RFTN1: variants seen among roughly 807,000 people sequenced by gnomAD.
RFTN1 encodes raftlin.
RFTN1 carries 26 observed loss-of-function variants against 46.5 expected under a neutral mutation model. The observed-to-expected ratio is 0.56, with a 90% confidence interval of 0.41 to 0.78. The LOEUF is 0.78. RFTN1 is among the 30% of genes least tolerant of loss of function. RFTN1 has a pLI of 0.00. For synonymous variants in RFTN1, 261 were observed against 284.2 expected (o/e 0.92, Z 0.82); for missense variants, 693 against 718.7 (o/e 0.96, Z 0.41).
chr3:16,474,857 C>T lies in RFTN1; in HGVS notation c.145+18868G>A. On this transcript the variant is annotated intron_variant, in intron 2 of 9. Transcript: ENST00000334133. This position sits in a 1 kb window ranked among gnomAD's most constrained non-coding sequence, Gnocchi z 5.5. ...TTCTATTTCTTCCCCAGCCAGAATA[C>T]ACAGGACTAGCCATCAAGGGGTAGA... Among the ~76,000 whole-genome samples, 1 of 152,230 alleles carries T rather than the reference C, an allele frequency of 6.6e-6. No individual in the cohort carries two copies. The highest frequency in any genetic ancestry group is 1.5e-5 in the Non-Finnish European group (1 of 68,042).
rs1337654180 is a variant in RFTN1, at chr3:16,421,024, C to A, written c.333-11541G>T. Among the ~76,000 whole-genome samples, 1 of 152,142 alleles carries A rather than the reference C, an allele frequency of 6.6e-6. No individual in the cohort carries two copies. Among genetic ancestry groups the A allele is most frequent in the Non-Finnish European group, 1.5e-5 (1 of 68,032 alleles). ...AGTGTGTCTCAAATGCTGAGTGGAT[C>A]AATTGTCTCCAAATTTTTCTGATCA... is the stretch of plus-strand genomic sequence containing the variant. On this transcript the variant is annotated intron_variant, in intron 3 of 9. Coordinates refer to ENST00000334133, the MANE Select transcript of RFTN1 (RefSeq NM_015150.2). The surrounding 1 kb of genome is among the most constrained non-coding windows in gnomAD (Gnocchi z 4.6).
chr3:16,316,312 T>G lies in RFTN1; in HGVS notation c.*516A>C, dbSNP rs1362651771. 1 of 161,698 alleles carries G rather than the reference T, an allele frequency of 6.2e-6. No individual in the cohort carries two copies. Among genetic ancestry groups the G allele is most frequent in the Non-Finnish European group, 1.3e-5 (1 of 75,074 alleles). The allele number at this position is 161,698 out of a possible 1,614,324, so 10.0% of individuals were successfully genotyped here. On this transcript the variant is annotated 3_prime_UTR_variant, in exon 10 of 10. Coordinates refer to ENST00000334133, the MANE Select transcript of RFTN1 (RefSeq NM_015150.2). This position sits in a 1 kb window ranked among gnomAD's most constrained non-coding sequence, Gnocchi z 4.5. ...ACCTCCCCTCCCCAATGTCATTTTC[T>G]TTGTCAAAGCAGAAGAGTCGAAGGG...
rs1303131151 is a variant in RFTN1 at position 16,425,220 on chromosome 3, G to C, written c.332+8631C>G. ...CAATGCTACCAAATAAATCTTCCTA[G>C]AGAGTCAATTTTTACTTAAAGATTG... On this transcript the variant is annotated intron_variant, in intron 3 of 9. Coordinates refer to ENST00000334133, the MANE Select transcript of RFTN1 (RefSeq NM_015150.2). This position sits in a 1 kb window ranked among gnomAD's most constrained non-coding sequence, Gnocchi z 4.3. 6.6e-6 allele frequency among the ~76,000 whole-genome samples: 1 copy of C among 152,164 alleles called. No individual in the cohort carries two copies. The highest frequency in any genetic ancestry group is 2.4e-5 in the African/African-American group (1 of 41,424).
chr3:16,368,532 G>A (rs1469949859), intron 6 of RFTN1, among the ~76,000 whole-genome samples: 9 of 152,114 alleles, frequency 5.9e-5, no homozygotes, highest in Non-Finnish European at 8.8e-5. Context: ...ATTAGCCTGC[G>A]TGGTGGCGGG....
chr3:16,488,188 T>C (rs1316392022), intron 2 of RFTN1, among the ~76,000 whole-genome samples: 1 of 150,830 alleles, frequency 6.6e-6, no homozygotes, highest in Non-Finnish European at 1.5e-5. Flanking sequence ...CCGCAACCTC[T>C]ACCTCCCAGG....
At position 16,317,054 on chromosome 3, in the gene RFTN1, A is replaced by G. The variant is rs995978909; in HGVS notation, c.1511T>C (p.Val504Ala). ...CVSGQQQEGG[V>A]SEEMKGPVQE... ...GACAGGGCCCTTCATCTCCTCGGAG[A>G]CTCCACCCTCCTGCTGCTGTCCTGA... The change falls in exon 10 of 10, where the codon GTC becomes GCC. Residue 504 changes from valine (V) to alanine (A), a missense_variant. Val to Ala is a moderately conservative substitution (Grantham distance 64, BLOSUM62 0). Transcript: ENST00000334133. This position sits in a 1 kb window ranked among gnomAD's most constrained non-coding sequence, Gnocchi z 4.3. The G allele has an allele frequency of 6.2e-7, 1 of 1,610,946 alleles. No homozygotes were observed. Among genetic ancestry groups the G allele is most frequent in the Non-Finnish European group, 8.5e-7 (1 of 1,179,258 alleles).
Position 16,329,162 on chromosome 3 carries a change from T to C in RFTN1, c.1147-2286A>G, listed in dbSNP as rs1397974607. Among the ~76,000 whole-genome samples the C allele has an allele frequency of 6.6e-6, 1 of 152,188 alleles. No individual in the cohort carries two copies. Among genetic ancestry groups the C allele is most frequent in the African/African-American group, 2.4e-5 (1 of 41,464 alleles). Reference sequence around the variant, plus strand: ...TTCAGTCTCCTGCTCTCTCCCCTCTTTTCTGCGCTTCCGCCTCGGGATGAC... The same window carrying C: ...TTCAGTCTCCTGCTCTCTCCCCTCTCTTCTGCGCTTCCGCCTCGGGATGAC... On this transcript the variant is annotated intron_variant, in intron 7 of 9. Coordinates refer to ENST00000334133, the MANE Select transcript of RFTN1 (RefSeq NM_015150.2). The surrounding 1 kb of genome is among the most constrained non-coding windows in gnomAD (Gnocchi z 4.5).
In RFTN1 at chr3:16,421,425, C is replaced by T. The variant is rs1334353912; in HGVS notation, c.333-11942G>A. On this transcript the variant is annotated intron_variant, in intron 3 of 9. Transcript: ENST00000334133. This position sits in a 1 kb window ranked among gnomAD's most constrained non-coding sequence, Gnocchi z 4.6. ...GGGGTGCAGTGGCATAATCTCAGCT[C>T]ACTGCAATCTCCACCTCCCGGGTTC... 6.6e-6 allele frequency among the ~76,000 whole-genome samples: 1 copy of T among 151,746 alleles called. No homozygotes were observed. The highest frequency in any genetic ancestry group is 1.9e-4 in the East Asian group (1 of 5,174).
intron 5 of RFTN1, 99 bp downstream of exon 5, chr3:16,377,619 T>C: frequency 6.7e-7 from 1 of 1,501,650 alleles, no homozygotes; most frequent in East Asian, 2.3e-5. Flanking sequence ...CTCTACACTC[T>C]AAATTCCATT....
chr3:16,434,579 A>T (rs1575285998), intron 2 of RFTN1: 1 of 152,594 alleles, frequency 6.6e-6, no homozygotes, highest in Admixed American at 6.5e-5. Context: ...ATAAAATAAT[A>T]ATGGACTGTC....
At position 16,334,819 on chromosome 3, in the gene RFTN1, G is replaced by A. The variant is rs561020220; in HGVS notation, c.1147-7943C>T. Among the ~76,000 whole-genome samples, 6 of 152,330 alleles carry A rather than the reference G, an allele frequency of 3.9e-5. No homozygotes were observed. The East Asian group carries it at 1.2e-3, about 29-fold the overall frequency. ...GATATGATTAAGCTAAGGATCTTGA[G>A]ATGGAGAGTTTATCCAGGATTATCC... On this transcript the variant is annotated intron_variant, in intron 7 of 9. Coordinates refer to ENST00000334133, the MANE Select transcript of RFTN1 (RefSeq NM_015150.2). The surrounding 1 kb of genome is among the most constrained non-coding windows in gnomAD (Gnocchi z 4.3).
chr3:16,505,355 T>G (rs955179550), intron 1 of RFTN1, among the ~76,000 whole-genome samples: 1 of 152,200 alleles, frequency 6.6e-6, no homozygotes, highest in Non-Finnish European at 1.5e-5. Flanking sequence ...TTTCCTCCAG[T>G]GGACCTCCAC....
At chr3:16,331,759 C>T (rs1449551214) in intron 7 of RFTN1, among the ~76,000 whole-genome samples, 2 of 152,144 alleles carry the variant, frequency 1.3e-5, no homozygotes, top group African/African-American at 4.8e-5. Context: ...CTGGTATGTT[C>T]TCTTTTTTTG....
At position 16,465,896 on chromosome 3, in the gene RFTN1, A is replaced by T. The variant is rs1362743018; in HGVS notation, c.145+27829T>A. Among the ~76,000 whole-genome samples, 1 of 151,852 alleles carries T rather than the reference A, an allele frequency of 6.6e-6. No homozygotes were observed. The highest frequency in any genetic ancestry group is 1.5e-5 in the Non-Finnish European group (1 of 67,964). On this transcript the variant is annotated intron_variant, in intron 2 of 9. Coordinates refer to ENST00000334133, the MANE Select transcript of RFTN1 (RefSeq NM_015150.2). The surrounding 1 kb of genome is among the most constrained non-coding windows in gnomAD (Gnocchi z 5.1). ...TCATGCCCTTAAAAAAGAAACACAAACTCCTCTAAAAGTTGAGAAACAAAA... is the reference window on the plus strand; with the variant it reads ...TCATGCCCTTAAAAAAGAAACACAATCTCCTCTAAAAGTTGAGAAACAAAA...
rs1434544850 is a variant in RFTN1 at position 16,480,906 on chromosome 3, T to C, written c.145+12819A>G. 6.6e-6 allele frequency among the ~76,000 whole-genome samples: 1 copy of C among 152,092 alleles called. No homozygotes were observed. ...GTTTTGCTTTGACAGATAACAGTCA[T>C]CAGCAAGGAATTTCATTTTACTGAA... is the stretch of plus-strand genomic sequence containing the variant. On this transcript the variant is annotated intron_variant, in intron 2 of 9. Coordinates refer to ENST00000334133, the MANE Select transcript of RFTN1 (RefSeq NM_015150.2). This position sits in a 1 kb window ranked among gnomAD's most constrained non-coding sequence, Gnocchi z 4.3.
At chr3:16,492,211 G>A (rs1689339144) in intron 2 of RFTN1, among the ~76,000 whole-genome samples, 1 of 152,102 alleles carries the variant, frequency 6.6e-6, no homozygotes, top group Admixed American at 6.5e-5. Context: ...CTTGTTGAGG[G>A]GGATGCACAG....
intron 2 of RFTN1, among the ~76,000 whole-genome samples, chr3:16,456,271 C>T (rs1559356409): frequency 2.0e-5 from 3 of 152,104 alleles, no homozygotes; most frequent in Non-Finnish European, 4.4e-5. Flanking sequence ...ATTACAGTAA[C>T]CAGGGCTGTT....
rs559188796 is a variant in RFTN1, at chr3:16,336,507, G to A, written c.1147-9631C>T. Among the ~76,000 whole-genome samples, 8 of 152,196 alleles carry A rather than the reference G, an allele frequency of 5.3e-5. No homozygotes were observed. The highest frequency in any genetic ancestry group is 9.7e-5 in the African/African-American group (4 of 41,442). On this transcript the variant is annotated intron_variant, in intron 7 of 9. Coordinates refer to ENST00000334133, the MANE Select transcript of RFTN1 (RefSeq NM_015150.2). This position sits in a 1 kb window ranked among gnomAD's most constrained non-coding sequence, Gnocchi z 6.0. ...CTCTGCGGGAGGGAGGGACAGGCACGCTGGCCGGCTAGAGATGTTGTTTTC... is the reference window on the plus strand; with the variant it reads ...CTCTGCGGGAGGGAGGGACAGGCACACTGGCCGGCTAGAGATGTTGTTTTC...
At position 16,433,723 on chromosome 3, in the gene RFTN1, C is replaced by G; in HGVS notation, c.332+128G>C. The G allele has an allele frequency of 1.1e-6, 1 of 925,822 alleles. No individual in the cohort carries two copies. Among genetic ancestry groups the G allele is most frequent in the Non-Finnish European group, 1.7e-6 (1 of 580,722 alleles). The allele number at this position is 925,822 out of a possible 1,614,324, so 57.4% of individuals were successfully genotyped here. On this transcript the variant is annotated intron_variant, in intron 3 of 9. Transcript: ENST00000334133. The surrounding 1 kb of genome is among the most constrained non-coding windows in gnomAD (Gnocchi z 4.4). ...TTGTCTAACTGTTTGCCTCACCTGT[C>G]TGAGGGCTGAGGCCCTGAGGACAGC...
Sources: gnomAD v4.1 joint callset for allele counts (sites outside exome capture counted in the v4.1 genomes callset) on GRCh38, gnomAD v4.1.1 for gene constraint, Gnocchi (gnomAD v3.1) non-coding constraint, MANE v1.5 for transcripts, NCBI Gene and HGNC (gene_info 2026-07-23, HGNC 2026-07-21) for gene names.